KCNIP4: variants seen among roughly 807,000 people sequenced by gnomAD.
The protein encoded by KCNIP4 is Kv channel-interacting protein 4.
In KCNIP4, 12 loss-of-function variants were observed where a neutral mutation model predicts 34.0. That is an observed-to-expected ratio of 0.35 (90% CI 0.23 to 0.57). The LOEUF (loss-of-function observed/expected upper bound fraction) is 0.57, where lower values mean the gene tolerates loss of function less well. Among genes scored for constraint, KCNIP4 ranks in the 20% least tolerant of loss-of-function variants. The pLI is 0.83. For missense variants in KCNIP4, 238 were observed against 311.7 expected, an observed-to-expected ratio of 0.76 and a Z score of 1.78; for synonymous variants, 124 against 102.2, an observed-to-expected ratio of 1.21 and a Z score of -1.29.
At position 21,931,716 on chromosome 4, in the gene KCNIP4, G is replaced by A. The variant is rs1053430396; in HGVS notation, c.61+16855C>T. ...GGGTTGGTTCCAAGTCTTTGCTATC[G>A]TGAATAGTGCCGCAATAAACATACG... On this transcript the variant is annotated intron_variant, in intron 1 of 8. Transcript: ENST00000382152. Among the ~76,000 whole-genome samples, 14 of 152,048 alleles carry A rather than the reference G, an allele frequency of 9.2e-5. No individual in the cohort carries two copies. The East Asian group carries it at 1.4e-3, about 15-fold the overall frequency.
chr4:21,273,718 C>G (rs545577588), intron 1 of KCNIP4, among the ~76,000 whole-genome samples: 3 of 152,154 alleles, frequency 2.0e-5, no homozygotes, highest in Non-Finnish European at 4.4e-5. Context: ...GAAGCTGCTG[C>G]AATTCTTCCA....
chr4:21,779,034 G>A (rs1719395494), intron 1 of KCNIP4, among the ~76,000 whole-genome samples: 1 of 151,634 alleles, frequency 6.6e-6, no homozygotes, highest in Admixed American at 6.6e-5. Flanking sequence ...GAGAGAGAGA[G>A]AAGATTATAT....
chr4:21,109,469 G>A (rs1453344263), intron 1 of KCNIP4, among the ~76,000 whole-genome samples: 5 of 152,322 alleles, frequency 3.3e-5, no homozygotes, highest in East Asian at 1.9e-4. Context: ...ACAGTATTAG[G>A]GTGGGAGTGA....
At chr4:21,016,089 C>T (rs1739515675) in intron 1 of KCNIP4, among the ~76,000 whole-genome samples, 1 of 149,950 alleles carries the variant, frequency 6.7e-6, no homozygotes, top group Non-Finnish European at 1.5e-5. Context: ...CCTCGGGCTC[C>T]AGCAGCTCTA....
At chr4:21,726,063 A>G (rs548378282) in intron 1 of KCNIP4, among the ~76,000 whole-genome samples, 9 of 152,284 alleles carry the variant, frequency 5.9e-5, no homozygotes, top group African/African-American at 2.2e-4. Context: ...AATTCCTATC[A>G]AGTTTATTTG....
chr4:20,730,152 G>A (rs759116590), intron 8 of KCNIP4, 23 bp from the exon 9 acceptor site: 16 of 1,590,132 alleles, frequency 1.0e-5, no homozygotes, highest in South Asian at 2.3e-5. Flanking sequence ...AACACAGAGC[G>A]ATTAAATTCA....
At chr4:21,439,444 T>C (rs1348605024) in intron 1 of KCNIP4, among the ~76,000 whole-genome samples, 1 of 152,238 alleles carries the variant, frequency 6.6e-6, no homozygotes, top group African/African-American at 2.4e-5. Flanking sequence ...GTTTCAAATA[T>C]GACTGGCTGA....
intron 1 of KCNIP4, among the ~76,000 whole-genome samples, chr4:21,687,884 T>C (rs1481379842): frequency 1.3e-5 from 2 of 152,098 alleles, no homozygotes; most frequent in Non-Finnish European, 2.9e-5. Flanking sequence ...GAATTTGAAT[T>C]TGAGAGGGGA....
At chr4:20,965,740 T>G (rs1734275870) in intron 1 of KCNIP4, among the ~76,000 whole-genome samples, 1 of 152,238 alleles carries the variant, frequency 6.6e-6, no homozygotes, top group African/African-American at 2.4e-5. Flanking sequence ...ACAAAGATTT[T>G]GCAACTATAG....
intron 1 of KCNIP4, among the ~76,000 whole-genome samples, chr4:21,356,832 G>A (rs1282820565): frequency 1.3e-5 from 2 of 151,872 alleles, no homozygotes; most frequent in African/African-American, 4.8e-5. Flanking sequence ...AGTTCACAGG[G>A]AACCAAAAAA....
intron 1 of KCNIP4, among the ~76,000 whole-genome samples, chr4:21,319,511 C>G (rs958703698): frequency 1.3e-5 from 2 of 152,206 alleles, no homozygotes; most frequent in Non-Finnish European, 2.9e-5. Flanking sequence ...GCTCTGGAGG[C>G]TGCCTTCTCC....
At chr4:21,918,204 A>C (rs1728743774) in intron 1 of KCNIP4, among the ~76,000 whole-genome samples, 1 of 152,204 alleles carries the variant, frequency 6.6e-6, no homozygotes, top group African/African-American at 2.4e-5. Context: ...AAATGAACCT[A>C]CATCAGAGTG....
At chr4:20,799,096 A>G (rs945681313) in intron 3 of KCNIP4, among the ~76,000 whole-genome samples, 1 of 152,158 alleles carries the variant, frequency 6.6e-6, no homozygotes, top group African/African-American at 2.4e-5. Flanking sequence ...ATAGTGTGCC[A>G]TACCTGAGCC....
At chr4:21,535,720 C>T (rs547625386) in intron 1 of KCNIP4, among the ~76,000 whole-genome samples, 36 of 152,198 alleles carry the variant, frequency 2.4e-4, no homozygotes, top group Non-Finnish European at 2.8e-4. Context: ...GAAATGTGCT[C>T]CATAGTTTAT....
At chr4:21,844,644 C>T (rs1723895470) in intron 1 of KCNIP4, 1 of 151,944 alleles carries the variant, frequency 6.6e-6, no homozygotes, top group Non-Finnish European at 1.5e-5. Flanking sequence ...GAATGAAGTC[C>T]AAGAATGGCT....
chr4:21,651,349 TA>T (rs1398153162), intron 1 of KCNIP4, among the ~76,000 whole-genome samples: 1 of 152,264 alleles, frequency 6.6e-6, no homozygotes, highest in East Asian at 1.9e-4. Context: ...GGAGAGGGCA[TA>T]ACAGGAAATA....
At chr4:21,043,095 A>G (rs1201239748) in intron 1 of KCNIP4, among the ~76,000 whole-genome samples, 1 of 152,188 alleles carries the variant, frequency 6.6e-6, no homozygotes, top group African/African-American at 2.4e-5. Flanking sequence ...TACATTGTGC[A>G]GCTTATTTAG....
chr4:21,935,922 A>G (rs1221400446), intron 1 of KCNIP4, among the ~76,000 whole-genome samples: 12 of 151,176 alleles, frequency 7.9e-5, no homozygotes, highest in Non-Finnish European at 7.4e-5. Flanking sequence ...TCATAGAAAG[A>G]TAGTAGAAAA....
At chr4:21,250,050 G>T (rs1402009424) in intron 1 of KCNIP4, among the ~76,000 whole-genome samples, 3 of 151,644 alleles carry the variant, frequency 2.0e-5, no homozygotes, top group Non-Finnish European at 4.4e-5. Context: ...TCTTATCCAA[G>T]CAATACATTT....
Sources: gnomAD v4.1 joint callset for allele counts (sites outside exome capture counted in the v4.1 genomes callset) on GRCh38, gnomAD v4.1.1 for gene constraint, MANE v1.5 for transcripts, NCBI Gene and HGNC (gene_info 2026-07-23, HGNC 2026-07-21) for gene names.